Variants in NEBL observed in about 807,000 individuals in gnomAD.
The protein encoded by NEBL is nebulette.
In NEBL, 122 loss-of-function variants were observed where a neutral mutation model predicts 140.2. That is an observed-to-expected ratio of 0.87 (90% CI 0.75 to 1.01). NEBL has a LOEUF of 1.01. NEBL is among the 50% of genes least tolerant of loss of function. The pLI, the probability that NEBL is intolerant of heterozygous loss-of-function variation, is 0.00. For synonymous variants in NEBL, 436 were observed against 398.9 expected, an observed-to-expected ratio of 1.09 and a Z score of -1.11; for missense variants, 1,365 against 1,231.3, an observed-to-expected ratio of 1.11 and a Z score of -1.62.
intron 8 of NEBL, among the ~76,000 whole-genome samples, chr10:20,858,977 C>A (rs1843387522): frequency 6.6e-6 from 1 of 152,104 alleles, no homozygotes; most frequent in Non-Finnish European, 1.5e-5. Context: ...TAGATCCAAG[C>A]AATCTGACTC....
At chr10:21,096,804 G>A (rs1229556315) in intron 2 of NEBL, among the ~76,000 whole-genome samples, 1 of 152,028 alleles carries the variant, frequency 6.6e-6, no homozygotes, top group African/African-American at 2.4e-5. Context: ...CATCAGGCCC[G>A]GCCTGAGTGT....
At chr10:21,140,237 G>C (rs1257675897) in intron 2 of NEBL, among the ~76,000 whole-genome samples, 1 of 152,086 alleles carries the variant, frequency 6.6e-6, no homozygotes, top group Non-Finnish European at 1.5e-5. Context: ...AAATGTGCCA[G>C]ATTTGAATTG....
intron 3 of NEBL, among the ~76,000 whole-genome samples, chr10:21,002,042 A>G (rs979815191): frequency 6.6e-6 from 1 of 152,132 alleles, no homozygotes; most frequent in African/African-American, 2.4e-5. Flanking sequence ...GTTTTTCTAC[A>G]CGTATTTCTT....
chr10:20,936,133 C>A (rs755877391), intron 4 of NEBL, among the ~76,000 whole-genome samples: 19 of 152,134 alleles, frequency 1.2e-4, no homozygotes, highest in African/African-American at 3.4e-4. Context: ...CAGTTTATTG[C>A]ATAATAATAA....
chr10:20,901,468 C>T (rs1373476632), upstream of NEBL, among the ~76,000 whole-genome samples: 1 of 151,968 alleles, frequency 6.6e-6, no homozygotes, highest in Non-Finnish European at 1.5e-5. Flanking sequence ...CTTTTTTCTC[C>T]TTTTTTTCAT....
intron 4 of NEBL, among the ~76,000 whole-genome samples, chr10:20,915,779 G>C (rs1848529666): frequency 6.6e-6 from 1 of 152,116 alleles, no homozygotes; most frequent in Non-Finnish European, 1.5e-5. Context: ...CCAGTAATGG[G>C]ATGGCTGGGT....
intron 2 of NEBL, among the ~76,000 whole-genome samples, chr10:21,103,568 G>A (rs535999878): frequency 6.6e-6 from 1 of 152,148 alleles, no homozygotes; most frequent in Admixed American, 6.5e-5. Context: ...TAACAAAAGT[G>A]GTTTTACTTT....
At chr10:21,017,395 C>T (rs976086946) in intron 3 of NEBL, among the ~76,000 whole-genome samples, 4 of 152,190 alleles carry the variant, frequency 2.6e-5, no homozygotes, top group South Asian at 2.1e-4. Context: ...CTAAAGAACA[C>T]GACATTTGAG....
At chr10:21,280,149 C>T (rs1020928454) in intron 1 of NEBL, among the ~76,000 whole-genome samples, 5 of 152,058 alleles carry the variant, frequency 3.3e-5, no homozygotes, top group East Asian at 1.9e-4. Flanking sequence ...TTCCACGGTT[C>T]GTTCCAGTCC....
intron 14 of NEBL, among the ~76,000 whole-genome samples, chr10:20,834,616 A>G (rs1840706201): frequency 6.6e-6 from 1 of 152,194 alleles, no homozygotes; most frequent in South Asian, 2.1e-4. Flanking sequence ...GCTCTTCCTA[A>G]GTGCAAAGAT....
chr10:20,848,354 T>C (rs1313198293), intron 11 of NEBL, among the ~76,000 whole-genome samples: 1 of 152,244 alleles, frequency 6.6e-6, no homozygotes, highest in Non-Finnish European at 1.5e-5. Flanking sequence ...CCAAATTCAC[T>C]AGTATCAATT....
chr10:21,044,399 A>AT (rs1834412455), intron 2 of NEBL, among the ~76,000 whole-genome samples: 3 of 127,946 alleles, frequency 2.3e-5, no homozygotes, highest in African/African-American at 1.1e-4. Context: ...AGTAAGAATA[A>AT]AAAAAAAAAA....
intron 4 of NEBL, among the ~76,000 whole-genome samples, chr10:20,943,533 T>C (rs888444398): frequency 3.9e-5 from 6 of 152,134 alleles, no homozygotes; most frequent in Non-Finnish European, 2.9e-5. Context: ...GGCACATGTA[T>C]ACATATGCAA....
In NEBL at chr10:20,784,292, C is replaced by T. The variant is rs888853045; in HGVS notation, c.*1455G>A. ...AAAACACAGGGTTGCCGACGGGTGC[C>T]GCTGGCTTGGTGACCTGGACTGCAG... On this transcript the variant is annotated 3_prime_UTR_variant, in exon 28 of 28. Coordinates refer to ENST00000377122, the MANE Select transcript of NEBL (RefSeq NM_006393.3). The T allele has an allele frequency of 2.0e-5, 3 of 152,100 alleles. No individual in the cohort carries two copies. Among genetic ancestry groups the T allele is most frequent in the Non-Finnish European group, 4.4e-5 (3 of 68,028 alleles). 9.4% of individuals were successfully genotyped at this position (152,100 alleles called of 1,614,324 possible).
intron 3 of NEBL, among the ~76,000 whole-genome samples, chr10:20,968,561 G>C (rs1156536596): frequency 6.6e-6 from 1 of 152,112 alleles, no homozygotes; most frequent in African/African-American, 2.4e-5. Flanking sequence ...AATCATAGAA[G>C]TTCAAGGGGA....
intron 2 of NEBL, among the ~76,000 whole-genome samples, chr10:21,072,433 C>T (rs1170294007): frequency 6.6e-6 from 1 of 152,158 alleles, no homozygotes; most frequent in African/African-American, 2.4e-5. Context: ...TCTGTTGGGT[C>T]CCCTATTCAG....
chr10:21,104,177 G>T (rs1164480441), intron 2 of NEBL, among the ~76,000 whole-genome samples: 1 of 152,134 alleles, frequency 6.6e-6, no homozygotes, highest in Non-Finnish European at 1.5e-5. Flanking sequence ...GTATAATAAG[G>T]TTTAACATCA....
At chr10:21,155,202 C>G (rs963299989) in intron 2 of NEBL, among the ~76,000 whole-genome samples, 1 of 152,096 alleles carries the variant, frequency 6.6e-6, no homozygotes, top group African/African-American at 2.4e-5. Flanking sequence ...CCCTCACACA[C>G]ACAAAAAAAT....
intron 4 of NEBL, among the ~76,000 whole-genome samples, chr10:20,942,728 T>C (rs10764295): frequency 0.78 from 118,094 of 152,106 alleles, 46,107 homozygotes; most frequent in Admixed American, 0.84. Context: ...ACAATGAACT[T>C]AAACAATGTA....
Sources: gnomAD v4.1 joint callset for allele counts (sites outside exome capture counted in the v4.1 genomes callset) on GRCh38, gnomAD v4.1.1 for gene constraint, MANE v1.5 for transcripts, NCBI Gene and HGNC (gene_info 2026-07-23, HGNC 2026-07-21) for gene names.